GABRA2: variants seen among roughly 807,000 people sequenced by gnomAD.
GABRA2 encodes the protein gamma-aminobutyric acid receptor subunit alpha-2.
Under a neutral mutation model 48.7 loss-of-function variants are expected in GABRA2, and 16 were observed. The observed-to-expected ratio is 0.33, with a 90% confidence interval of 0.22 to 0.50. The LOEUF (loss-of-function observed/expected upper bound fraction) is 0.50. GABRA2 is among the 20% of genes least tolerant of loss of function. GABRA2 has a pLI of 0.98. For missense variants in GABRA2, 275 were observed against 535.6 expected (o/e 0.51, Z 4.80); for synonymous variants, 185 against 184.5 (o/e 1.00, Z -0.02).
rs1713829163 is a variant in GABRA2, at chr4:46,246,998, A to G, written c.*3310T>C. ...ACCAGGAATTCAAAAAGAGCCACAT[A>G]AATGCAAATTATACTTACCAAATAA... On this transcript the variant is annotated 3_prime_UTR_variant, in exon 10 of 10. Coordinates refer to ENST00000381620, the MANE Select transcript of GABRA2 (RefSeq NM_000807.4). 6.6e-6 allele frequency among the ~76,000 whole-genome samples: 1 copy of G among 151,180 alleles called. No individual in the cohort carries two copies.
intron 3 of GABRA2, chr4:46,363,967 A>G (rs1713631376): frequency 6.6e-6 from 1 of 152,204 alleles, no homozygotes; most frequent in Admixed American, 6.5e-5. Flanking sequence ...ATCTTGTCCC[A>G]TAAAAATAAA....
At chr4:46,347,594 A>G (rs935648206) in intron 3 of GABRA2, among the ~76,000 whole-genome samples, 4 of 151,954 alleles carry the variant, frequency 2.6e-5, no homozygotes, top group African/African-American at 9.7e-5. Context: ...GAATCCACCC[A>G]CAATTGATTA....
intron 8 of GABRA2, among the ~76,000 whole-genome samples, chr4:46,291,232 G>C (rs1388625192): frequency 2.0e-5 from 3 of 152,028 alleles, no homozygotes; most frequent in Admixed American, 6.6e-5. Context: ...GTTGTTGGAA[G>C]GTTTTTGCTT....
intron 8 of GABRA2, among the ~76,000 whole-genome samples, chr4:46,279,492 CTCTT>C (rs1560468401): frequency 6.6e-6 from 1 of 151,934 alleles, no homozygotes; most frequent in African/African-American, 2.4e-5. Flanking sequence ...CTCTTTTCAT[CTCTT>C]TTTTTAAATT....
intron 3 of GABRA2, among the ~76,000 whole-genome samples, chr4:46,343,364 A>G (rs1164440125): frequency 6.6e-6 from 1 of 151,968 alleles, no homozygotes; most frequent in Non-Finnish European, 1.5e-5. Context: ...GCCTGACTCA[A>G]TTTGGGGTAG....
intron 3 of GABRA2, among the ~76,000 whole-genome samples, chr4:46,378,308 G>C (rs1716252691): frequency 1.3e-5 from 2 of 152,064 alleles, no homozygotes; most frequent in African/African-American, 4.8e-5. Flanking sequence ...ATTTTGTTCT[G>C]TACTAAGAAA....
At chr4:46,352,827 G>C (rs768007665) in intron 3 of GABRA2, among the ~76,000 whole-genome samples, 17 of 152,112 alleles carry the variant, frequency 1.1e-4, no homozygotes, top group South Asian at 2.1e-4. Context: ...CTATGGTAAA[G>C]TGCTTGGATC....
chr4:46,349,375 A>C (rs1578135847), intron 3 of GABRA2, among the ~76,000 whole-genome samples: 1 of 151,996 alleles, frequency 6.6e-6, no homozygotes, highest in African/African-American at 2.4e-5. Context: ...TAGAAATCCT[A>C]TCACACTTAA....
intron 9 of GABRA2, chr4:46,261,314 A>G (rs1716924970): frequency 6.6e-6 from 1 of 152,658 alleles, no homozygotes; most frequent in African/African-American, 2.4e-5. Flanking sequence ...CAGCACCGAC[A>G]TATTTATTCC....
chr4:46,276,218 G>A (rs1220609284), intron 8 of GABRA2, among the ~76,000 whole-genome samples: 1 of 152,052 alleles, frequency 6.6e-6, no homozygotes, highest in East Asian at 1.9e-4. Flanking sequence ...ACGTTATGGA[G>A]AAATGGGTTT....
At chr4:46,306,236 G>A (rs945783426) in intron 6 of GABRA2, among the ~76,000 whole-genome samples, 7 of 152,068 alleles carry the variant, frequency 4.6e-5, no homozygotes, top group African/African-American at 1.4e-4. Flanking sequence ...AAATAATAAC[G>A]CTATACTTGC....
chr4:46,299,455 T>C (rs899493172), intron 8 of GABRA2, among the ~76,000 whole-genome samples: 1 of 151,884 alleles, frequency 6.6e-6, no homozygotes, highest in Non-Finnish European at 1.5e-5. Context: ...TAACTCACTA[T>C]AGTATCTTGA....
Position 46,305,599 on chromosome 4 carries a change from T to C in GABRA2, c.672A>G (p.Ser224=). The C allele has an allele frequency of 6.2e-7, 1 of 1,613,888 alleles. No individual in the cohort carries two copies. The change falls in exon 7 of 10, where the codon TCA becomes TCG. Residue 224 remains serine, a synonymous_variant. Transcript: ENST00000381620. Reference sequence around the variant, plus strand: ...TGGATTTAATTGTCTCCTTTCCGATTGATTGGCCCAGCAGGTCATATTGAT... The same window carrying C: ...TGGATTTAATTGTCTCCTTTCCGATCGATTGGCCCAGCAGGTCATATTGAT... ...RLNQYDLLGQ[S]IGKETIKSST...
At chr4:46,373,563 T>G (rs1171605706) in intron 3 of GABRA2, among the ~76,000 whole-genome samples, 3 of 152,162 alleles carry the variant, frequency 2.0e-5, no homozygotes, top group Non-Finnish European at 4.4e-5. Context: ...TATGGTTCTA[T>G]ATATGGTTTT....
intron 8 of GABRA2, among the ~76,000 whole-genome samples, chr4:46,274,836 C>A (rs1371412880): frequency 6.6e-5 from 10 of 152,046 alleles, no homozygotes. Flanking sequence ...AATCCTATAG[C>A]TTCCCTGTTA....
chr4:46,266,409 T>C (rs1718236877), intron 8 of GABRA2, among the ~76,000 whole-genome samples: 1 of 149,590 alleles, frequency 6.7e-6, no homozygotes, highest in Non-Finnish European at 1.5e-5. Flanking sequence ...TTTTGATGAG[T>C]AATTCTTGGT....
At chr4:46,288,665 A>T (rs1723009532) in intron 8 of GABRA2, among the ~76,000 whole-genome samples, 1 of 152,228 alleles carries the variant, frequency 6.6e-6, no homozygotes. Context: ...CAAAGAGTTC[A>T]TGATGAAGAT....
At chr4:46,281,751 T>C (rs1046851513) in intron 8 of GABRA2, among the ~76,000 whole-genome samples, 1 of 152,104 alleles carries the variant, frequency 6.6e-6, no homozygotes, top group African/African-American at 2.4e-5. Context: ...TTCCTTCAAG[T>C]AAATCATCTT....
At position 46,390,026 on chromosome 4, in the gene GABRA2, A is replaced by C; in HGVS notation, c.-302T>G. ...GAAGAGGAGGAGGAGGAAGAGGAGG[A>C]GGGGGAAAACGATGACAGGAGCTGG... On this transcript the variant is annotated 5_prime_UTR_variant, in exon 1 of 10. Transcript: ENST00000381620. 1.9e-6 allele frequency: 1 copy of C among 522,816 alleles called. No individual in the cohort carries two copies. Among genetic ancestry groups the C allele is most frequent in the Non-Finnish European group, 2.2e-6 (1 of 452,530 alleles). The allele number at this position is 522,816 out of a possible 1,614,324, so 32.4% of individuals were successfully genotyped here. A position where few individuals can be genotyped will look rare whatever the true frequency, so the allele number is the denominator to read the frequency against.
Sources: gnomAD v4.1 joint callset for allele counts (sites outside exome capture counted in the v4.1 genomes callset) on GRCh38, gnomAD v4.1.1 for gene constraint, MANE v1.5 for transcripts, NCBI Gene and HGNC (gene_info 2026-07-23, HGNC 2026-07-21) for gene names.